Variants in KARS1 observed in about 807,000 individuals in gnomAD.
The protein encoded by KARS1 is lysyl-tRNA synthetase 1.
Under a neutral mutation model 63.9 loss-of-function variants are expected in KARS1, and 50 were observed. The observed-to-expected ratio is 0.78, with a 90% confidence interval of 0.62 to 0.99. The LOEUF is 0.99. Ranked by LOEUF, KARS1 falls within the 50% of genes least tolerant of loss-of-function variation. The pLI is 0.00. For synonymous variants in KARS1, 320 were observed against 264.6 expected, an observed-to-expected ratio of 1.21 and a Z score of -2.03; for missense variants, 816 against 754.5, an observed-to-expected ratio of 1.08 and a Z score of -0.95.
At chr16:75,641,780 C>T in intron 1 of KARS1, 57 bp from the exon 2 acceptor site, 1 of 1,575,180 alleles carries the variant, frequency 6.3e-7, no homozygotes, top group Non-Finnish European at 8.7e-7. Context: ...CCTCTATGTT[C>T]TGCCCCTAGC....
In KARS1 at chr16:75,644,957, G is replaced by T. The variant is rs116584059; in HGVS notation, c.62+2621C>A. ...CTTGTTTGGAACTCTAGGAACAAGG[G>T]GAAAGGAGAATTTCAGGAAGGTCCT... On this transcript the variant is annotated intron_variant, in intron 1 of 13. Coordinates refer to ENST00000302445, the MANE Select transcript of KARS1 (RefSeq NM_005548.3). Among the ~76,000 whole-genome samples, 1,072 of 152,332 alleles carry T rather than the reference G, an allele frequency of 7.0e-3. 13 individuals are homozygous for T. The highest frequency in any genetic ancestry group is 0.025 in the African/African-American group (1,031 of 41,582).
intron 4 of KARS1, 92 bp from the exon 5 acceptor site, chr16:75,636,190 C>T: frequency 1.2e-6 from 1 of 832,314 alleles, no homozygotes; most frequent in East Asian, 2.6e-5. Flanking sequence ...CTGTTAATAC[C>T]TAGTTAATGT....
intron 1 of KARS1, among the ~76,000 whole-genome samples, chr16:75,643,988 A>C (rs973474665): frequency 6.6e-6 from 1 of 152,238 alleles, no homozygotes; most frequent in Non-Finnish European, 1.5e-5. Flanking sequence ...GAGCACACAA[A>C]ACTCCAGAAA....
intron 2 of KARS1, 69 bp from the exon 3 acceptor site, chr16:75,640,418 C>A: frequency 6.8e-7 from 1 of 1,471,950 alleles, no homozygotes; most frequent in Non-Finnish European, 9.5e-7. Flanking sequence ...GCCCACCTAG[C>A]AGAGGGCAGT....
chr16:75,633,857 T>C (rs1050143942), intron 7 of KARS1: 2 of 362,500 alleles, frequency 5.5e-6, no homozygotes, highest in Middle Eastern at 9.8e-4. Context: ...GATTAGGCTC[T>C]TTCTTCTGTG....
At chr16:75,644,434 A>C in intron 1 of KARS1, 1 of 1,608,940 alleles carries the variant, frequency 6.2e-7, no homozygotes, top group Non-Finnish European at 8.5e-7. Context: ...AACATGGCAG[A>C]GCACCCTGGA....
intron 7 of KARS1, 119 bp downstream of exon 7, chr16:75,634,054 A>G: frequency 9.2e-7 from 1 of 1,088,920 alleles, no homozygotes; most frequent in Non-Finnish European, 1.4e-6. Flanking sequence ...GACCCATCAG[A>G]ACACTTTCTT....
intron 1 of KARS1, among the ~76,000 whole-genome samples, chr16:75,644,834 T>C (rs1009876526): frequency 7.9e-5 from 12 of 152,096 alleles, no homozygotes; most frequent in Non-Finnish European, 4.4e-5. Flanking sequence ...AAGATGGCAA[T>C]AGGAAGCATA....
intron 13 of KARS1, among the ~76,000 whole-genome samples, chr16:75,628,224 G>C (rs150605875): frequency 1.7e-3 from 263 of 152,324 alleles, no homozygotes; most frequent in African/African-American, 5.9e-3. Flanking sequence ...AGGATGAATA[G>C]ACGCATTTCT....
At chr16:75,632,445 C>A (rs992044656) in intron 7 of KARS1, among the ~76,000 whole-genome samples, 1 of 152,190 alleles carries the variant, frequency 6.6e-6, no homozygotes, top group African/African-American at 2.4e-5. Flanking sequence ...TGGGGTTAGG[C>A]TGCAGGCGTG....
At position 75,631,715 on chromosome 16, in the gene KARS1, T is replaced by A; in HGVS notation, c.1056A>T (p.Glu352Asp). 1.9e-6 allele frequency: 3 copies of A among 1,614,184 alleles called. No homozygotes were observed. Among genetic ancestry groups the A allele is most frequent in the Non-Finnish European group, 1.7e-6 (2 of 1,180,022 alleles). ...CACCTGAAACCATCTTCTCCGTGAT[T>A]TCCATGAGATCGTGATAGTCTGCAT... Reference protein sequence around the residue: ...MAYADYHDLMEITEKMVSGMV... With the variant: ...MAYADYHDLMDITEKMVSGMV... Residue 352 changes from glutamate to aspartate, a missense_variant, in exon 8 of 14, where the codon GAA becomes GAT. Transcript: ENST00000302445.
chr16:75,630,616 C>T (rs936644923), intron 10 of KARS1, 108 bp from the exon 11 acceptor site: 1 of 542,364 alleles, frequency 1.8e-6, no homozygotes, highest in African/African-American at 2.1e-5. Flanking sequence ...TATCCTATAG[C>T]TTTTTATTTA....
Position 75,640,354 on chromosome 16 carries a change from TAAA to T in KARS1, c.223-8_223-6del, listed in dbSNP as rs370077957. On this transcript the variant is annotated splice_polypyrimidine_tract_variant and splice_region_variant and intron_variant, in intron 2 of 13. Coordinates refer to ENST00000302445, the MANE Select transcript of KARS1 (RefSeq NM_005548.3). ...ACTGCGGATTTTGTAGTATTGCTGT[TAAA>T]AAAAAAAAAAAAAAAGCCCTTCAGA... The T allele has an allele frequency of 1.8e-3, 2,689 of 1,517,310 alleles. No homozygotes were observed. The highest frequency in any genetic ancestry group is 2.5e-3 in the Middle Eastern group (12 of 4,728). The allele number at this position is 1,517,310 out of a possible 1,614,324, so 94.0% of individuals were successfully genotyped here.
At chr16:75,634,324 A>G in intron 6 of KARS1, 32 bp from the exon 7 acceptor site, 1 of 1,611,922 alleles carries the variant, frequency 6.2e-7, no homozygotes, top group Non-Finnish European at 8.5e-7. Context: ...ATCAGTCCTT[A>G]GATAACCAGA....
intron 1 of KARS1, among the ~76,000 whole-genome samples, chr16:75,646,451 G>A (rs951321292): frequency 1.3e-5 from 2 of 151,642 alleles, no homozygotes; most frequent in Admixed American, 1.3e-4. Flanking sequence ...TGAGGCAGGA[G>A]AATCGCTTGA....
At chr16:75,641,471 G>A in intron 2 of KARS1, 93 bp downstream of exon 2, 1 of 1,089,894 alleles carries the variant, frequency 9.2e-7, no homozygotes, top group Non-Finnish European at 1.4e-6. Context: ...CAGGCGTACT[G>A]GTCCCTCCTA....
intron 6 of KARS1, chr16:75,635,462 A>T: frequency 1.8e-6 from 1 of 568,180 alleles, no homozygotes; most frequent in East Asian, 3.2e-5. Flanking sequence ...CATCATTAGC[A>T]TGTGGATGGC....
intron 13 of KARS1, among the ~76,000 whole-genome samples, 162 bp downstream of exon 13, chr16:75,628,407 C>G (rs1368757957): frequency 6.6e-6 from 1 of 152,212 alleles, no homozygotes; most frequent in African/African-American, 2.4e-5. Flanking sequence ...CCTTTAAGGT[C>G]AGAGGCTCTG....
chr16:75,639,286 T>C (rs1455886069), intron 3 of KARS1, among the ~76,000 whole-genome samples: 1 of 150,274 alleles, frequency 6.7e-6, no homozygotes, highest in Non-Finnish European at 1.5e-5. Context: ...ATAAATATTT[T>C]AGTGGCAGGG....
Sources: gnomAD v4.1 joint callset for allele counts (sites outside exome capture counted in the v4.1 genomes callset) on GRCh38, gnomAD v4.1.1 for gene constraint, MANE v1.5 for transcripts, NCBI Gene and HGNC (gene_info 2026-07-23, HGNC 2026-07-21) for gene names.